LPP: variants seen among roughly 807,000 people sequenced by gnomAD.
The protein encoded by LPP is lipoma-preferred partner.
In LPP, 38 loss-of-function variants were observed where a neutral mutation model predicts 60.4. The ratio of observed to expected loss-of-function variants is 0.63; its 90% CI spans 0.49 to 0.83. LPP has a LOEUF of 0.83. LPP is among the 40% of genes least tolerant of loss of function. The pLI, the probability that LPP is intolerant of heterozygous loss-of-function variation, is 0.00. For missense variants in LPP, 902 were observed against 783.6 expected (o/e 1.15, Z -1.80); for synonymous variants, 328 against 290.8 (o/e 1.13, Z -1.30).
At chr3:188,221,579 T>G (rs1715798849) in intron 1 of LPP, among the ~76,000 whole-genome samples, 1 of 152,234 alleles carries the variant, frequency 6.6e-6, no homozygotes, top group African/African-American at 2.4e-5. Context: ...TCCCATGATT[T>G]GTTTGATCAT....
intron 9 of LPP, among the ~76,000 whole-genome samples, chr3:188,811,027 A>G (rs1750777063): frequency 6.6e-6 from 1 of 152,150 alleles, no homozygotes; most frequent in Non-Finnish European, 1.5e-5. Flanking sequence ...GTATAGATGT[A>G]GGAATGGAAT....
intron 5 of LPP, among the ~76,000 whole-genome samples, chr3:188,485,847 A>T (rs1806340785): frequency 6.7e-6 from 1 of 149,180 alleles, no homozygotes; most frequent in Non-Finnish European, 1.5e-5. Context: ...TTTCAAAATA[A>T]TAAGGGTTGG....
chr3:188,670,262 A>T (rs1856706234), intron 7 of LPP, among the ~76,000 whole-genome samples: 1 of 152,230 alleles, frequency 6.6e-6, no homozygotes, highest in African/African-American at 2.4e-5. Flanking sequence ...TAATAAAAAA[A>T]TAAATTAATT....
chr3:188,158,872 G>T (rs149913008), intron 1 of LPP, among the ~76,000 whole-genome samples: 511 of 152,286 alleles, frequency 3.4e-3, no homozygotes, highest in Non-Finnish European at 6.0e-3. Context: ...ATTTAATTCA[G>T]CCCACATTCG....
chr3:188,413,423 G>A (rs375605616), intron 4 of LPP, among the ~76,000 whole-genome samples: 11 of 152,240 alleles, frequency 7.2e-5, no homozygotes, highest in Admixed American at 4.6e-4. Context: ...CATCTTGGAC[G>A]TTTGGTATAA....
chr3:188,702,973 T>C (rs1864782337), intron 7 of LPP, among the ~76,000 whole-genome samples: 2 of 152,092 alleles, frequency 1.3e-5, no homozygotes, highest in African/African-American at 2.4e-5. Flanking sequence ...CGTTCTGCTG[T>C]TTTTAAGCAG....
At chr3:188,377,725 C>G (rs1363107085) in intron 3 of LPP, among the ~76,000 whole-genome samples, 2 of 152,212 alleles carry the variant, frequency 1.3e-5, no homozygotes, top group African/African-American at 2.4e-5. Flanking sequence ...CATTCTCCGT[C>G]CAGCTTTATT....
intron 5 of LPP, among the ~76,000 whole-genome samples, chr3:188,496,455 C>T (rs1353202257): frequency 6.6e-6 from 1 of 152,132 alleles, no homozygotes; most frequent in Non-Finnish European, 1.5e-5. Context: ...AAAAGACTTT[C>T]ATATACTTTA....
At chr3:188,255,925 A>G (rs1288086851) in intron 2 of LPP, among the ~76,000 whole-genome samples, 2 of 152,180 alleles carry the variant, frequency 1.3e-5, no homozygotes, top group Non-Finnish European at 2.9e-5. Context: ...CGAACATCAC[A>G]CTGGTTACCG....
At chr3:188,293,142 C>G (rs543438906) in intron 2 of LPP, among the ~76,000 whole-genome samples, 1 of 152,360 alleles carries the variant, frequency 6.6e-6, no homozygotes, top group Non-Finnish European at 1.5e-5. Context: ...ATTTTGAACT[C>G]TGGAGGACTG....
At chr3:188,327,619 C>T (rs534248937) in intron 2 of LPP, among the ~76,000 whole-genome samples, 37 of 152,188 alleles carry the variant, frequency 2.4e-4, no homozygotes, top group Non-Finnish European at 4.4e-4. Flanking sequence ...ATTTTTTTTA[C>T]TGACCAGTGG....
In LPP at chr3:188,425,255, T is replaced by C. The variant is rs141584741; in HGVS notation, c.193+18942T>C. Among the ~76,000 whole-genome samples the C allele has an allele frequency of 3.5e-3, 536 of 152,302 alleles. 5 individuals carry two copies. The highest frequency in any genetic ancestry group is 6.2e-3 in the Non-Finnish European group (421 of 68,034). On this transcript the variant is annotated intron_variant, in intron 4 of 11. Coordinates refer to ENST00000617246, the MANE Select transcript of LPP (RefSeq NM_001375462.1). ...TATGTGATGCATTATGTTTATTGAT[T>C]TGTGTATGTTGAATCAGCCTTGCAT...
intron 9 of LPP, among the ~76,000 whole-genome samples, chr3:188,802,077 A>G (rs1402566542): frequency 2.0e-5 from 3 of 152,202 alleles, no homozygotes; most frequent in South Asian, 2.1e-4. Flanking sequence ...ATTTGAAAGA[A>G]AAAGAAAAAG....
chr3:188,716,761 G>T (rs993172646), intron 8 of LPP, among the ~76,000 whole-genome samples: 3 of 152,150 alleles, frequency 2.0e-5, no homozygotes, highest in African/African-American at 7.2e-5. Flanking sequence ...ATAATCCCTT[G>T]TTGGTGAAAA....
chr3:188,517,952 A>C (rs1560508965), intron 5 of LPP, among the ~76,000 whole-genome samples: 1 of 152,140 alleles, frequency 6.6e-6, no homozygotes, highest in Non-Finnish European at 1.5e-5. Flanking sequence ...ATTGTTTAAA[A>C]GAGTATAGCA....
At chr3:188,281,252 A>G (rs559282643) in intron 2 of LPP, among the ~76,000 whole-genome samples, 58 of 152,200 alleles carry the variant, frequency 3.8e-4, no homozygotes, top group Non-Finnish European at 6.0e-4. Flanking sequence ...TCCGTAAACA[A>G]ATACACACTT....
Position 188,182,797 on chromosome 3 carries a change from CAAT to C in LPP, c.-190+28547_-190+28549del, listed in dbSNP as rs1460331367. Among the ~76,000 whole-genome samples, 17 of 60,208 alleles carry C rather than the reference CAAT, an allele frequency of 2.8e-4. No homozygotes were observed. The highest frequency in any genetic ancestry group is 6.9e-4 in the Non-Finnish European group (15 of 21,762). 39.5% of individuals were successfully genotyped at this position (60,208 alleles called of 152,430 possible). On this transcript the variant is annotated intron_variant, in intron 1 of 11. Coordinates refer to ENST00000617246, the MANE Select transcript of LPP (RefSeq NM_001375462.1). The surrounding 1 kb of genome is among the most constrained non-coding windows in gnomAD (Gnocchi z 4.4). ...TGCATATATAATATATGTACATATA[CAAT>C]ATATGCACATATATAATATATGTAC...
At chr3:188,171,290 A>C (rs543130774) in intron 1 of LPP, among the ~76,000 whole-genome samples, 3 of 152,328 alleles carry the variant, frequency 2.0e-5, no homozygotes, top group African/African-American at 7.2e-5. Flanking sequence ...ATGCCTACAC[A>C]AAGTAGGCAT....
chr3:188,843,346 G>A (rs537923866), intron 9 of LPP, among the ~76,000 whole-genome samples: 1 of 152,276 alleles, frequency 6.6e-6, no homozygotes, highest in South Asian at 2.1e-4. Flanking sequence ...CGAGAGTTAG[G>A]AGACTCGAGT....
Sources: allele counts gnomAD v4.1 joint callset (sites outside exome capture counted in the v4.1 genomes callset), GRCh38; gene constraint gnomAD v4.1.1; non-coding constraint Gnocchi (gnomAD v3.1); transcripts MANE v1.5; gene names NCBI Gene and HGNC (gene_info 2026-07-23, HGNC 2026-07-21).